The following STYXL1 variants were observed in gnomAD, a reference collection of about 807,000 sequenced individuals.
The protein encoded by STYXL1 is serine/threonine/tyrosine interacting like 1, also known as serine/threonine/tyrosine-interacting-like protein 1.
Under a neutral mutation model 36.4 loss-of-function variants are expected in STYXL1, and 32 were observed. That is an observed-to-expected ratio of 0.88 (90% CI 0.66 to 1.18). The LOEUF is 1.18. Among genes scored for constraint, STYXL1 ranks in the 50% most tolerant of loss-of-function variants. The probability of loss-of-function intolerance (pLI) is 0.00; values close to 1 mark genes in which losing one functional copy is unlikely to be tolerated. For missense variants in STYXL1, 354 were observed against 394.1 expected (o/e 0.90, Z 0.86); for synonymous variants, 133 against 144.1 (o/e 0.92, Z 0.55).
intron 4 of STYXL1, among the ~76,000 whole-genome samples, chr7:76,021,568 C>T (rs575154313): frequency 3.7e-4 from 57 of 152,248 alleles, no homozygotes; most frequent in Admixed American, 1.6e-3. Context: ...ATTTCATCCC[C>T]CTTTCCTCAA....
chr7:76,009,352 C>T (rs1218717873), intron 5 of STYXL1, among the ~76,000 whole-genome samples: 1 of 151,640 alleles, frequency 6.6e-6, no homozygotes, highest in Admixed American at 6.6e-5. Context: ...GGCATCATCC[C>T]AGCCCCCTCT....
chr7:76,047,166 CAGG>C (rs1797234983), intron 1 of STYXL1, among the ~76,000 whole-genome samples: 1 of 151,988 alleles, frequency 6.6e-6, no homozygotes, highest in Admixed American at 6.5e-5. Flanking sequence ...GAGAATGAGG[CAGG>C]AGAACCACTT....
At chr7:76,021,721 G>A in intron 4 of STYXL1, 130 bp downstream of exon 4, 1 of 718,748 alleles carries the variant, frequency 1.4e-6, no homozygotes, top group Non-Finnish European at 2.4e-6. Context: ...CTCTTTTTCT[G>A]ACGCAAACCC....
chr7:76,022,101 T>A lies in STYXL1; in HGVS notation c.166-109A>T, dbSNP rs572633716. On this transcript the variant is annotated intron_variant, in intron 3 of 8. Coordinates refer to ENST00000359697, the MANE Select transcript of STYXL1 (RefSeq NM_001317785.2). ...TGGGAGGAGCTAAGACCGCACTCTC[T>A]CCCCTGACTATACACACAGGCCCAG... 11 of 1,505,580 alleles carry A rather than the reference T, an allele frequency of 7.3e-6. 1 individual carries two copies. In the South Asian group the frequency reaches 9.4e-5, roughly 13 times the overall value. The allele number at this position is 1,505,580 out of a possible 1,614,324, so 93.3% of individuals were successfully genotyped here. A position where few individuals can be genotyped will look rare whatever the true frequency, so the allele number is the denominator to read the frequency against.
At chr7:76,016,584 T>A (rs782463594) in intron 4 of STYXL1, among the ~76,000 whole-genome samples, 72 of 152,128 alleles carry the variant, frequency 4.7e-4, no homozygotes, top group Non-Finnish European at 6.3e-4. Flanking sequence ...GCAAAGGACA[T>A]AAACAGACAC....
At chr7:76,003,007 T>C (rs564386407) in intron 7 of STYXL1, among the ~76,000 whole-genome samples, 8 of 152,138 alleles carry the variant, frequency 5.3e-5, no homozygotes, top group African/African-American at 1.4e-4. Context: ...CCAGGAGCTG[T>C]TGGTGCCAGA....
At chr7:76,028,567 G>T in intron 3 of STYXL1, 75 bp downstream of exon 3, 1 of 1,398,736 alleles carries the variant, frequency 7.1e-7, no homozygotes, top group Admixed American at 1.8e-5. Flanking sequence ...CTGGATTGAG[G>T]GTGAAACTTC....
rs1172273501 is a variant in STYXL1, at chr7:76,047,825, T to A, written c.-168A>T. 2 of 1,026,446 alleles carry A rather than the reference T, an allele frequency of 1.9e-6. No homozygotes were observed. Among genetic ancestry groups the A allele is most frequent in the African/African-American group, 3.4e-5 (2 of 57,988 alleles). The allele number at this position is 1,026,446 out of a possible 1,614,324, so 63.6% of individuals were successfully genotyped here. On this transcript the variant is annotated 5_prime_UTR_variant, in exon 1 of 9. Coordinates refer to ENST00000359697, the MANE Select transcript of STYXL1 (RefSeq NM_001317785.2). ...CTGGGGCCCCACCTGGAAAAATGGC[T>A]CCTCTAAGGCGCTTCCAGCCTAAAG...
rs535245315 is a variant in STYXL1 at position 76,016,932 on chromosome 7, C to A, written c.308-3045G>T. Among the ~76,000 whole-genome samples the A allele has an allele frequency of 1.7e-3, 256 of 152,278 alleles. 3 individuals are homozygous for A. The highest frequency in any genetic ancestry group is 0.013 in the South Asian group (63 of 4,824). On this transcript the variant is annotated intron_variant, in intron 4 of 8. Coordinates refer to ENST00000359697, the MANE Select transcript of STYXL1 (RefSeq NM_001317785.2). ...TTGTTACACCAAAAGGATACCTGCACCCATATGTTCACTGCAGCACTACTG... is the reference window on the plus strand; with the variant it reads ...TTGTTACACCAAAAGGATACCTGCAACCATATGTTCACTGCAGCACTACTG...
rs1353819260 is a variant in STYXL1 at position 76,046,300 on chromosome 7, G to C, written c.-5+1362C>G. On this transcript the variant is annotated intron_variant, in intron 1 of 8. Transcript: ENST00000359697. ...TGTGTGTGTGTGTGTGTGTGTGTGT[G>C]TGTGTGTGTGTGTGTGTGTGTGTGT... 3.5e-4 allele frequency among the ~76,000 whole-genome samples: 11 copies of C among 31,390 alleles called. 1 individual carries two copies. Among genetic ancestry groups the C allele is most frequent in the African/African-American group, 7.1e-4 (10 of 14,066 alleles). The allele number at this position is 31,390 out of a possible 152,430, so 20.6% of individuals were successfully genotyped here. A position where few individuals can be genotyped will look rare whatever the true frequency, so the allele number is the denominator to read the frequency against.
intron 5 of STYXL1, among the ~76,000 whole-genome samples, chr7:76,008,351 A>G (rs1554571135): frequency 6.6e-6 from 1 of 152,132 alleles, no homozygotes. Context: ...GACCTTTGCC[A>G]AAGATCAAAA....
intron 5 of STYXL1, among the ~76,000 whole-genome samples, chr7:76,011,893 T>G (rs1489616074): frequency 1.3e-5 from 2 of 152,244 alleles, no homozygotes; most frequent in East Asian, 3.8e-4. Context: ...GGACCAGTCA[T>G]CAGCAGAAAC....
intron 3 of STYXL1, among the ~76,000 whole-genome samples, chr7:76,024,235 C>T (rs868993305): frequency 6.6e-6 from 1 of 152,200 alleles, no homozygotes; most frequent in African/African-American, 2.4e-5. Flanking sequence ...AGAGAGGAGA[C>T]GTTCCCCTCA....
chr7:75,996,536 G>A lies in STYXL1; in HGVS notation c.874C>T (p.Gln292Ter), dbSNP rs1554564127. The A allele has an allele frequency of 6.2e-7, 1 of 1,614,236 alleles. No individual in the cohort carries two copies. The highest frequency in any genetic ancestry group is 1.1e-5 in the South Asian group (1 of 91,088). ...NMCPNRGLVS[Q>*]LLEWEKTILG... ...ATAGTCTTCTCCCATTCCAGCAGCTGGCTCACCAATCCCCGATTTGGACAC... is the reference window on the plus strand; with the variant it reads ...ATAGTCTTCTCCCATTCCAGCAGCTAGCTCACCAATCCCCGATTTGGACAC... Residue 292 changes from glutamine to a stop codon, truncating the protein, a stop_gained, in exon 9 of 9, where the codon CAG (glutamine) becomes TAG (stop). Coordinates refer to ENST00000359697, the MANE Select transcript of STYXL1 (RefSeq NM_001317785.2). LOFTEE classifies it high-confidence loss of function.
rs114797862 is a variant in STYXL1 at position 76,010,615 on chromosome 7, C to T, written c.453+3127G>A. 7.4e-3 allele frequency among the ~76,000 whole-genome samples: 1,134 copies of T among 152,254 alleles called. 19 individuals carry two copies. Among genetic ancestry groups the T allele is most frequent in the African/African-American group, 0.026 (1,063 of 41,530 alleles). ...ACCCAGCAGCAGAGGCTACCAGCAGCTCACACAGCCAGACGGGGCCAGAGA... is the reference window on the plus strand; with the variant it reads ...ACCCAGCAGCAGAGGCTACCAGCAGTTCACACAGCCAGACGGGGCCAGAGA... On this transcript the variant is annotated intron_variant, in intron 5 of 8. Coordinates refer to ENST00000359697, the MANE Select transcript of STYXL1 (RefSeq NM_001317785.2).
intron 1 of STYXL1, among the ~76,000 whole-genome samples, chr7:76,041,288 T>C (rs1796455166): frequency 6.6e-6 from 1 of 151,968 alleles, no homozygotes; most frequent in Admixed American, 6.6e-5. Context: ...AATACCAAAA[T>C]CTGATAGCAC....
chr7:76,047,033 G>A (rs373469664), intron 1 of STYXL1, among the ~76,000 whole-genome samples: 155 of 151,654 alleles, frequency 1.0e-3, no homozygotes, highest in African/African-American at 3.5e-3. Flanking sequence ...AGGCCGAGGC[G>A]GGTGGATCAC....
At chr7:76,025,934 T>C (rs1229316836) in intron 3 of STYXL1, among the ~76,000 whole-genome samples, 1 of 151,864 alleles carries the variant, frequency 6.6e-6, no homozygotes, top group East Asian at 1.9e-4. Flanking sequence ...GGCTCACGCC[T>C]GTAATTCCAG....
chr7:76,043,287 G>A (rs984548916), intron 1 of STYXL1, among the ~76,000 whole-genome samples: 9 of 151,916 alleles, frequency 5.9e-5, no homozygotes, highest in Non-Finnish European at 1.2e-4. Context: ...GATTACAGGC[G>A]CCCGCCACCG....
Sources: gnomAD v4.1 joint callset for allele counts (sites outside exome capture counted in the v4.1 genomes callset) on GRCh38, gnomAD v4.1.1 for gene constraint, MANE v1.5 for transcripts, NCBI Gene and HGNC (gene_info 2026-07-23, HGNC 2026-07-21) for gene names.